Variants in MYH7B observed in about 807,000 individuals in gnomAD.
MYH7B encodes myosin heavy chain 7B.
In MYH7B, 205 loss-of-function variants were observed where a neutral mutation model predicts 234.5. The ratio of observed to expected loss-of-function variants is 0.87; its 90% CI spans 0.78 to 0.98. The LOEUF (loss-of-function observed/expected upper bound fraction) is 0.98. Among genes scored for constraint, MYH7B ranks in the 50% least tolerant of loss-of-function variants. MYH7B has a pLI of 0.00. For synonymous variants in MYH7B, 1,193 were observed against 1,105.0 expected (o/e 1.08, Z -1.58); for missense variants, 2,652 against 2,633.4 (o/e 1.01, Z -0.15).
exon 20 of MYH7B, chr20:34,989,742 A>G: frequency 6.2e-7 from 1 of 1,613,716 alleles, no homozygotes; most frequent in South Asian, 1.1e-5. Flanking sequence ...GTTCCCAGCC[A>G]CTGGGCATCC....
chr20:35,000,706 C>T lies in MYH7B; in HGVS notation c.5178+17C>T, dbSNP rs1234278401. On this transcript the variant is annotated intron_variant, in intron 39 of 44. Transcript: ENST00000262873. Reference sequence around the variant, plus strand: ...CATTCGCAGGTGGGGACAGGAGTCCCTGGGGACAGAGCAGGTGCAGGCCTG... The same window carrying T: ...CATTCGCAGGTGGGGACAGGAGTCCTTGGGGACAGAGCAGGTGCAGGCCTG... 3 of 1,600,204 alleles carry T rather than the reference C, an allele frequency of 1.9e-6. No homozygotes were observed. Among genetic ancestry groups the T allele is most frequent in the Non-Finnish European group, 2.6e-6 (3 of 1,173,866 alleles).
At chr20:34,980,671 C>T (rs775310408) in exon 8 of MYH7B, 8 of 1,614,216 alleles carry the variant, frequency 5.0e-6, no homozygotes, top group Middle Eastern at 3.3e-4. Flanking sequence ...GGGAAAGCGC[C>T]GCTCAGATTC....
At chr20:34,984,164 C>A (rs1462178388) in intron 10 of MYH7B, among the ~76,000 whole-genome samples, 2 of 152,240 alleles carry the variant, frequency 1.3e-5, no homozygotes, top group Admixed American at 1.3e-4. Flanking sequence ...CCTGGCAGGG[C>A]CTTTGTGCGC....
chr20:34,961,787 G>A (rs762345192), intron 2 of MYH7B, among the ~76,000 whole-genome samples: 2 of 152,172 alleles, frequency 1.3e-5, no homozygotes, highest in Non-Finnish European at 2.9e-5. Flanking sequence ...TTAGCATAAT[G>A]TTTGCAAGGT....
chr20:34,976,885 C>T (rs1490446711), intron 3 of MYH7B, among the ~76,000 whole-genome samples: 1 of 152,180 alleles, frequency 6.6e-6, no homozygotes, highest in Non-Finnish European at 1.5e-5. Flanking sequence ...AGGCAAATCT[C>T]GCCTATGGTG....
rs2081934271 is a variant in MYH7B at position 34,981,017 on chromosome 20, C to G, written c.500-16C>G. 6.2e-7 allele frequency: 1 copy of G among 1,614,050 alleles called. No individual in the cohort carries two copies. The highest frequency in any genetic ancestry group is 8.5e-7 in the Non-Finnish European group (1 of 1,180,024). On this transcript the variant is annotated splice_polypyrimidine_tract_variant and intron_variant, in intron 8 of 44. Transcript: ENST00000262873. The stretch of plus-strand genomic sequence containing the variant: ...ACACCTTGGCTGACTTCTCTATCCC[C>G]TTCCCTTTCCTCCAGACCGAGACAA...
intron 28 of MYH7B, 33 bp downstream of exon 28, chr20:34,995,611 T>C (rs781108011): frequency 2.7e-5 from 44 of 1,609,258 alleles, no homozygotes; most frequent in Non-Finnish European, 3.7e-5. Context: ...GGAAGGGCCC[T>C]GAGCCAGGGG....
chr20:34,977,963 C>T, exon 5 of MYH7B: 1 of 1,613,996 alleles, frequency 6.2e-7, no homozygotes, highest in Non-Finnish European at 8.5e-7. Context: ...CCTTGAACCT[C>T]CAGGGTTTCC....
At chr20:34,983,429 T>C (rs543060966) in intron 10 of MYH7B, among the ~76,000 whole-genome samples, 2 of 152,094 alleles carry the variant, frequency 1.3e-5, no homozygotes, top group Non-Finnish European at 2.9e-5. Flanking sequence ...TTCCCTTTCC[T>C]GCCCTGTCTT....
intron 16 of MYH7B, 78 bp downstream of exon 16, chr20:34,987,365 C>T: frequency 1.9e-6 from 3 of 1,568,912 alleles, no homozygotes; most frequent in Non-Finnish European, 2.6e-6. Flanking sequence ...CAACTCTTGT[C>T]CACAACCTTT....
At chr20:34,997,339 AGCTGGAGGAGCTGAGCGAGCG>A (rs1389584868) in exon 32 of MYH7B, 1 of 1,542,298 alleles carries the variant, frequency 6.5e-7, no homozygotes, top group Non-Finnish European at 8.7e-7. Context: ...GCGGCGCGGG[AGCTGGAGGAGCTGAGCGAGCG>A]GCTGGAGGAG....
exon 32 of MYH7B, chr20:34,997,271 A>G (rs774860104): frequency 1.3e-6 from 2 of 1,558,938 alleles, no homozygotes; most frequent in South Asian, 1.2e-5. Flanking sequence ...AGGAGCTGGA[A>G]GAGGAGCTGG....
At chr20:34,968,255 G>A (rs1004881665) in intron 2 of MYH7B, among the ~76,000 whole-genome samples, 3 of 152,244 alleles carry the variant, frequency 2.0e-5, no homozygotes, top group African/African-American at 7.2e-5. Flanking sequence ...AGTCCCTGCA[G>A]ATGCAAAGCT....
intron 8 of MYH7B, 139 bp downstream of exon 8, chr20:34,980,873 T>TC: frequency 3.4e-6 from 5 of 1,483,752 alleles, no homozygotes; most frequent in Non-Finnish European, 4.6e-6. Context: ...GTTCTGTCCC[T>TC]CCGCATGGGA....
Position 34,996,598 on chromosome 20 carries a change from G to C in MYH7B, c.3121-15G>C. 6.2e-7 allele frequency: 1 copy of C among 1,608,494 alleles called. No homozygotes were observed. On this transcript the variant is annotated splice_polypyrimidine_tract_variant and intron_variant, in intron 29 of 44. Coordinates refer to ENST00000262873, the Ensembl canonical transcript of MYH7B. ...GCTTGGGCCATGGCTGACCCCTGCT[G>C]TGCCTGCTCTGCAGCTGGAATGCTC...
chr20:34,964,137 CAA>C (rs2081722464), intron 2 of MYH7B, among the ~76,000 whole-genome samples: 1 of 152,018 alleles, frequency 6.6e-6, no homozygotes, highest in South Asian at 2.1e-4. Flanking sequence ...CAAGGTAATA[CAA>C]AGTTTCTTTC....
chr20:35,002,403 G>A, exon 45 of MYH7B: 1 of 430,942 alleles, frequency 2.3e-6, no homozygotes. Flanking sequence ...GTCCACAGCA[G>A]TCATTTTTAA....
rs1600433384 is a variant in MYH7B, at chr20:34,985,141, C to T, written c.805+12C>T. The T allele has an allele frequency of 6.2e-7, 1 of 1,613,752 alleles. No homozygotes were observed. ...GGATATTGACAGCTGTGAGTCAACC[C>T]CCTGCGGGCGGTGCAGGGGAAGGAG... On this transcript the variant is annotated intron_variant, in intron 13 of 44. Coordinates refer to ENST00000262873, the Ensembl canonical transcript of MYH7B.
intron 27 of MYH7B, among the ~76,000 whole-genome samples, chr20:34,994,833 G>A (rs1294087521): frequency 1.3e-5 from 2 of 152,268 alleles, no homozygotes; most frequent in Non-Finnish European, 2.9e-5. Flanking sequence ...TATCAATTGT[G>A]TGCCAGGCTC....
Sources: gnomAD v4.1 joint callset for allele counts (sites outside exome capture counted in the v4.1 genomes callset) on GRCh38, gnomAD v4.1.1 for gene constraint, MANE v1.5 for transcripts, NCBI Gene and HGNC (gene_info 2026-07-23, HGNC 2026-07-21) for gene names.